DOCK6: variants seen among roughly 807,000 people sequenced by gnomAD.
The protein encoded by DOCK6 is dedicator of cytokinesis 6.
A neutral mutation model predicts 230.3 loss-of-function variants in DOCK6; 167 were observed. The ratio of observed to expected loss-of-function variants is 0.73; its 90% CI spans 0.64 to 0.82. DOCK6 has a LOEUF of 0.82. DOCK6 is among the 40% of genes least tolerant of loss of function. The pLI, the probability that DOCK6 is intolerant of heterozygous loss-of-function variation, is 0.00. For missense variants in DOCK6, 2,598 were observed against 2,825.8 expected (o/e 0.92, Z 1.83); for synonymous variants, 1,148 against 1,185.0 (o/e 0.97, Z 0.64).
In DOCK6 at chr19:11,253,660, C is replaced by T. The variant is rs779565769; in HGVS notation, c.111G>A (p.Arg37=). ...TTACCCCCAGGGAGCTGCTGCAGCG[C>T]CTGCTGGAGTGGGGGGAGCCACTGC... ...RERSGSPHSS[R]RCSSSLGVPL... The change falls in exon 2 of 48, where the codon AGG becomes AGA. Residue 37 remains arginine, a synonymous_variant. Coordinates refer to ENST00000294618, the MANE Select transcript of DOCK6 (RefSeq NM_020812.4). The T allele has an allele frequency of 6.9e-7, 1 of 1,454,564 alleles. No individual in the cohort carries two copies. Among genetic ancestry groups the T allele is most frequent in the Admixed American group, 3.2e-5 (1 of 30,848 alleles). The allele number at this position is 1,454,564 out of a possible 1,614,324, so 90.1% of individuals were successfully genotyped here.
Position 11,223,038 on chromosome 19 carries a change from C to T in DOCK6, c.3024G>A (p.Val1008=). The change falls in exon 25 of 48, where the codon GTG becomes GTA. Residue 1008 remains valine, a synonymous_variant. Coordinates refer to ENST00000294618, the MANE Select transcript of DOCK6 (RefSeq NM_020812.4). ...AFFLSDLLSL[V]DRGFVFSLVR... is the part of the protein sequence containing the mutation. The stretch of plus-strand genomic sequence containing the variant: ...CCAGGCTGAAGACAAAGCCCCGGTC[C>T]ACCAGGGACAGAAGGTCACTGAGGA... 6.2e-7 allele frequency: 1 copy of T among 1,613,788 alleles called. No individual in the cohort carries two copies. The highest frequency in any genetic ancestry group is 1.1e-5 in the South Asian group (1 of 91,068).
chr19:11,209,517 C>T (rs554056302), intron 37 of DOCK6, among the ~76,000 whole-genome samples: 495 of 148,648 alleles, frequency 3.3e-3, no homozygotes, highest in Non-Finnish European at 4.7e-3. Flanking sequence ...CTCACCTGTC[C>T]ACCCTCTCAC....
chr19:11,253,313 C>T (rs1024202446), intron 2 of DOCK6, among the ~76,000 whole-genome samples: 4 of 152,044 alleles, frequency 2.6e-5, no homozygotes, highest in Admixed American at 6.6e-5. Context: ...CCCTCTCAGG[C>T]GAAAGTCACT....
At chr19:11,259,714 C>T (rs2080255180) in intron 1 of DOCK6, among the ~76,000 whole-genome samples, 1 of 150,062 alleles carries the variant, frequency 6.7e-6, no homozygotes, top group Admixed American at 6.7e-5. Flanking sequence ...TGCGTCACCA[C>T]GCTTTTGTAA....
chr19:11,200,790 T>C lies in DOCK6; in HGVS notation c.5865A>G (p.Ala1955=), dbSNP rs1288884793. 1 of 1,613,224 alleles carries C rather than the reference T, an allele frequency of 6.2e-7. No homozygotes were observed. Among genetic ancestry groups the C allele is most frequent in the Admixed American group, 1.7e-5 (1 of 60,006 alleles). The part of the protein sequence containing the change: ...GPLEVAQVFL[A]EIPEDPKLFR... ...AGAGCTTGGGGTCTTCCGGGATCTC[T>C]GCTAAAAACACCTGGGCCACCTCCA... Residue 1955 remains alanine (A), a synonymous_variant, in exon 46 of 48, where the codon GCA becomes GCG. Coordinates refer to ENST00000294618, the MANE Select transcript of DOCK6 (RefSeq NM_020812.4). This position sits in a 1 kb window ranked among gnomAD's most constrained non-coding sequence, Gnocchi z 4.3.
In DOCK6 at chr19:11,237,455, C is replaced by T. The variant is rs1053798243; in HGVS notation, c.2073+1G>A. ...GCAGGCAGGAGCTCCAGGGCACATACATCGGGTGTGAGCACGGAATAGCTG... is the reference window on the plus strand; with the variant it reads ...GCAGGCAGGAGCTCCAGGGCACATATATCGGGTGTGAGCACGGAATAGCTG... On this transcript the variant is annotated splice_donor_variant, in intron 18 of 47. Coordinates refer to ENST00000294618, the MANE Select transcript of DOCK6 (RefSeq NM_020812.4). LOFTEE classifies it high-confidence loss of function. 5 of 1,613,456 alleles carry T rather than the reference C, an allele frequency of 3.1e-6. No individual in the cohort carries two copies. Among genetic ancestry groups the T allele is most frequent in the South Asian group, 1.1e-5 (1 of 91,064 alleles).
intron 1 of DOCK6, among the ~76,000 whole-genome samples, chr19:11,261,147 G>A (rs2080280941): frequency 6.6e-6 from 1 of 151,790 alleles, no homozygotes; most frequent in Non-Finnish European, 1.5e-5. Flanking sequence ...CAGCCCACAC[G>A]ACCCTGTACA....
rs1600867572 is a variant in DOCK6 at position 11,213,172 on chromosome 19, T to C, written c.4491+4A>G. ...GTGGACCATGCCTCCTAGCCCCCACTCACGTGGCCGATCTCGAAGTTCTGT... is the reference window on the plus strand; with the variant it reads ...GTGGACCATGCCTCCTAGCCCCCACCCACGTGGCCGATCTCGAAGTTCTGT... On this transcript the variant is annotated splice_donor_region_variant and intron_variant, in intron 35 of 47. Transcript: ENST00000294618. 1.9e-6 allele frequency: 3 copies of C among 1,610,552 alleles called. No homozygotes were observed. Among genetic ancestry groups the C allele is most frequent in the Admixed American group, 1.7e-5 (1 of 59,956 alleles).
chr19:11,232,858 G>T (rs1433620484), intron 22 of DOCK6, among the ~76,000 whole-genome samples: 7 of 149,656 alleles, frequency 4.7e-5, no homozygotes, highest in African/African-American at 1.7e-4. Flanking sequence ...ATGCACCTGT[G>T]TATGTATATG....
chr19:11,259,062 T>C (rs1485216953), intron 1 of DOCK6, among the ~76,000 whole-genome samples: 6 of 152,058 alleles, frequency 3.9e-5, no homozygotes, highest in Admixed American at 3.3e-4. Flanking sequence ...TTTCTTTTTC[T>C]TTCTTTTGAG....
chr19:11,214,487 A>C, intron 33 of DOCK6, 66 bp downstream of exon 33: 4 of 1,613,376 alleles, frequency 2.5e-6, no homozygotes, highest in Non-Finnish European at 3.4e-6. Flanking sequence ...GGGATTATGG[A>C]GTCAGAGACC....
At position 11,243,677 on chromosome 19, in the gene DOCK6, C is replaced by G; in HGVS notation, c.1138G>C (p.Ala380Pro). The change falls in exon 11 of 48, where the codon GCC (alanine) becomes CCC (proline). Residue 380 changes from alanine (A) to proline (P), a missense_variant. By Grantham distance (27) the Ala-to-Pro change is conservative. Coordinates refer to ENST00000294618, the MANE Select transcript of DOCK6 (RefSeq NM_020812.4). This position sits in a 1 kb window ranked among gnomAD's most constrained non-coding sequence, Gnocchi z 6.3. ...KEKLEKLRLA[A>P]EQFCTRLGRY... ...CCCAGGCGGGTGCAGAACTGCTCGG[C>G]CGCCAGGCGCAGCTTCTCTAGCTTC... 6.2e-7 allele frequency: 1 copy of G among 1,613,374 alleles called. No homozygotes were observed. The highest frequency in any genetic ancestry group is 8.5e-7 in the Non-Finnish European group (1 of 1,179,800).
At chr19:11,254,337 C>A (rs1021200825) in intron 1 of DOCK6, among the ~76,000 whole-genome samples, 8 of 152,168 alleles carry the variant, frequency 5.3e-5, no homozygotes, top group Non-Finnish European at 1.0e-4. Flanking sequence ...CTAAGTAACC[C>A]CAAGCAACCA....
At chr19:11,209,858 T>C (rs1449363177) in intron 37 of DOCK6, among the ~76,000 whole-genome samples, 48 of 19,128 alleles carry the variant, frequency 2.5e-3, no homozygotes, top group African/African-American at 2.9e-3. Context: ...TGTCCATCCC[T>C]TCACCTGTCT....
At chr19:11,220,640 AAG>A (rs1424188904) in intron 28 of DOCK6, among the ~76,000 whole-genome samples, 1 of 152,180 alleles carries the variant, frequency 6.6e-6, no homozygotes, top group Admixed American at 6.5e-5. Context: ...AAGAGAGAAA[AAG>A]AGACAACAGA....
At chr19:11,199,730 C>T (rs1169162879) in intron 47 of DOCK6, among the ~76,000 whole-genome samples, 191 bp from the exon 48 acceptor site, 1 of 152,212 alleles carries the variant, frequency 6.6e-6, no homozygotes, top group African/African-American at 2.4e-5. Context: ...ATGAATCATC[C>T]CCATTTTACA....
Position 11,245,686 on chromosome 19 carries a change from C to T in DOCK6, c.900G>A (p.Leu300=), listed in dbSNP as rs770042496. Residue 300 remains leucine (L), a synonymous_variant, in exon 9 of 48, where the codon CTG becomes CTA. Transcript: ENST00000294618. ...KKISENFYFD[L]NSDSMKGLLR... is the part of the protein sequence containing the mutation. ...GCAGCCCCTTCATGGAGTCCGAGTT[C>T]AGGTCGAAGTAGAAGTTCTCCGAGA... 5 of 1,606,728 alleles carry T rather than the reference C, an allele frequency of 3.1e-6. No individual in the cohort carries two copies. The African/African-American group carries it at 4.0e-5, about 13-fold the overall frequency.
chr19:11,204,897 A>C (rs1482230403), intron 39 of DOCK6, among the ~76,000 whole-genome samples: 1 of 152,130 alleles, frequency 6.6e-6, no homozygotes, highest in Non-Finnish European at 1.5e-5. Flanking sequence ...GTACATCTGC[A>C]CTTCACCCAT....
chr19:11,218,825 A>G (rs1215148855), intron 28 of DOCK6, among the ~76,000 whole-genome samples: 1 of 151,444 alleles, frequency 6.6e-6, no homozygotes. Context: ...AGGACTTTAA[A>G]AATATTCACT....
Sources: gnomAD v4.1 joint callset for allele counts (sites outside exome capture counted in the v4.1 genomes callset) on GRCh38, gnomAD v4.1.1 for gene constraint, Gnocchi (gnomAD v3.1) non-coding constraint, MANE v1.5 for transcripts, NCBI Gene and HGNC (gene_info 2026-07-23, HGNC 2026-07-21) for gene names.